The following CNTN3 variants were observed in gnomAD, a reference collection of about 807,000 sequenced individuals.
CNTN3 encodes contactin-3.
Under a neutral mutation model 119.1 loss-of-function variants are expected in CNTN3, and 60 were observed. The ratio of observed to expected loss-of-function variants is 0.50; its 90% CI spans 0.41 to 0.62. CNTN3 has a LOEUF of 0.62. Ranked by LOEUF, CNTN3 falls within the 20% of genes least tolerant of loss-of-function variation. The pLI, the probability that CNTN3 is intolerant of heterozygous loss-of-function variation, is 0.00. For synonymous variants in CNTN3, 450 were observed against 438.7 expected (o/e 1.03, Z -0.32); for missense variants, 1,101 against 1,242.4 (o/e 0.89, Z 1.71).
At chr3:74,449,079 T>A (rs1261392010) in intron 4 of CNTN3, among the ~76,000 whole-genome samples, 1 of 152,058 alleles carries the variant, frequency 6.6e-6, no homozygotes, top group Non-Finnish European at 1.5e-5. Flanking sequence ...TCCTATTTTA[T>A]ATTAATTTCC....
intron 1 of CNTN3, among the ~76,000 whole-genome samples, chr3:74,556,739 A>G (rs1704075406): frequency 6.6e-6 from 1 of 152,168 alleles, no homozygotes; most frequent in Non-Finnish European, 1.5e-5. Context: ...TAACTCCACC[A>G]TCTTACTATC....
intron 4 of CNTN3, among the ~76,000 whole-genome samples, chr3:74,428,621 A>C (rs1575716067): frequency 6.6e-6 from 1 of 152,350 alleles, no homozygotes; most frequent in East Asian, 1.9e-4. Context: ...AAAAGTTTAT[A>C]AATACAAATA....
rs992476990 is a variant in CNTN3, at chr3:74,285,348, A to G, written c.2661T>C (p.Ala887=). The change falls in exon 20 of 23, where the codon GCT becomes GCC. Residue 887 remains alanine (A), a synonymous_variant. Coordinates refer to ENST00000263665, the MANE Select transcript of CNTN3 (RefSeq NM_020872.3). ...TAVRAYNSAG[A]GPFSATVNVT... ...CATTAACTGTGGCGCTAAAAGGCCC[A>G]GCGCCGGCACTGTTGTAAGCCCGGA... The G allele has an allele frequency of 1.2e-6, 2 of 1,612,588 alleles. No homozygotes were observed.
At chr3:74,563,918 TCA>T (rs1217715763) in intron 1 of CNTN3, among the ~76,000 whole-genome samples, 2 of 152,134 alleles carry the variant, frequency 1.3e-5, no homozygotes, top group African/African-American at 2.4e-5. Flanking sequence ...TAGCCAATAT[TCA>T]CATTGCTCTT....
chr3:74,273,792 T>A (rs1701827789), intron 20 of CNTN3, among the ~76,000 whole-genome samples: 1 of 152,194 alleles, frequency 6.6e-6, no homozygotes, highest in African/African-American at 2.4e-5. Flanking sequence ...CTATTTTAAC[T>A]GGTTGAGAAG....
chr3:74,494,584 C>G lies in CNTN3; in HGVS notation c.182+5075G>C, dbSNP rs139262411. On this transcript the variant is annotated intron_variant, in intron 3 of 22. Coordinates refer to ENST00000263665, the MANE Select transcript of CNTN3 (RefSeq NM_020872.3). Reference sequence around the variant, plus strand: ...CTTTAAATGGAGCCAAAAAATAAGACTCAGTACAAATTTAAGAATATCTTA... The same window carrying G: ...CTTTAAATGGAGCCAAAAAATAAGAGTCAGTACAAATTTAAGAATATCTTA... Among the ~76,000 whole-genome samples, 591 of 152,132 alleles carry G rather than the reference C, an allele frequency of 3.9e-3. 5 individuals carry two copies. The highest frequency in any genetic ancestry group is 0.013 in the African/African-American group (558 of 41,528).
At chr3:74,489,427 CTTCTTTCTT>C (rs1219049737) in intron 3 of CNTN3, among the ~76,000 whole-genome samples, 2 of 149,442 alleles carry the variant, frequency 1.3e-5, no homozygotes, top group South Asian at 2.1e-4. Flanking sequence ...CCCTCCCTCC[CTTCTTTCTT>C]TTCTTCCTTC....
intron 1 of CNTN3, among the ~76,000 whole-genome samples, chr3:74,575,937 C>T (rs1019657039): frequency 6.6e-6 from 1 of 152,000 alleles, no homozygotes. Context: ...GGATGGCCGA[C>T]CTGGAACCCA....
At position 74,301,809 on chromosome 3, in the gene CNTN3, A is replaced by C. The variant is rs1489748249; in HGVS notation, c.1787-4T>G. The stretch of plus-strand genomic sequence containing the variant: ...TTTTCTGGTGGTCCAGGTGAACCTA[A>C]GGAAGGCACAAATGGAAACATTGAG... On this transcript the variant is annotated splice_polypyrimidine_tract_variant and splice_region_variant and intron_variant, in intron 14 of 22. Transcript: ENST00000263665. The C allele has an allele frequency of 6.2e-7, 1 of 1,613,570 alleles. No homozygotes were observed. The highest frequency in any genetic ancestry group is 1.1e-5 in the South Asian group (1 of 91,044).
chr3:74,331,625 C>T (rs1206654938), intron 13 of CNTN3, among the ~76,000 whole-genome samples: 4 of 152,140 alleles, frequency 2.6e-5, no homozygotes, highest in East Asian at 1.9e-4. Context: ...CCACCTCTTC[C>T]GAAACTGAAC....
chr3:74,329,103 A>G (rs903564704), intron 13 of CNTN3, among the ~76,000 whole-genome samples: 1 of 152,222 alleles, frequency 6.6e-6, no homozygotes, highest in East Asian at 1.9e-4. Flanking sequence ...AAATAATTCT[A>G]TGAAATAAAT....
intron 4 of CNTN3, among the ~76,000 whole-genome samples, chr3:74,478,499 A>T (rs1190077410): frequency 6.6e-6 from 1 of 152,114 alleles, no homozygotes; most frequent in Non-Finnish European, 1.5e-5. Context: ...CAATCCCCCA[A>T]GGCCTCTTTT....
chr3:74,404,989 T>C (rs2106857621), intron 5 of CNTN3, among the ~76,000 whole-genome samples: 1 of 151,816 alleles, frequency 6.6e-6, no homozygotes, highest in Non-Finnish European at 1.5e-5. Flanking sequence ...TAGACCAAAA[T>C]GAAAAGAAAG....
intron 1 of CNTN3, among the ~76,000 whole-genome samples, chr3:74,526,908 A>T (rs9859869): frequency 0.07 from 10,621 of 151,770 alleles, 1,204 homozygotes; most frequent in African/African-American, 0.24. Context: ...GTGATTTGTA[A>T]CCTTTCATAG....
chr3:74,362,851 T>TAA (rs1439373407), intron 10 of CNTN3, among the ~76,000 whole-genome samples: 1 of 152,216 alleles, frequency 6.6e-6, no homozygotes, highest in Non-Finnish European at 1.5e-5. Flanking sequence ...GTGGAAATCT[T>TAA]AGAGTGAATC....
At chr3:74,334,996 CTG>C in intron 12 of CNTN3, 86 bp from the exon 13 acceptor site, 1 of 912,594 alleles carries the variant, frequency 1.1e-6, no homozygotes, top group Non-Finnish European at 1.7e-6. Flanking sequence ...CTAACTTATA[CTG>C]TGTATGTCTG....
intron 1 of CNTN3, among the ~76,000 whole-genome samples, chr3:74,556,326 C>A (rs1437210982): frequency 6.6e-6 from 1 of 152,118 alleles, no homozygotes; most frequent in Admixed American, 6.6e-5. Context: ...CTCCCAGTCA[C>A]CAGAAACCAT....
intron 11 of CNTN3, among the ~76,000 whole-genome samples, chr3:74,358,014 C>T (rs1189405217): frequency 6.6e-6 from 1 of 152,158 alleles, no homozygotes; most frequent in African/African-American, 2.4e-5. Flanking sequence ...ATGGGGCTTT[C>T]GTTGCCAAGT....
chr3:74,336,501 T>C (rs938020543), intron 12 of CNTN3, 30 bp downstream of exon 12: 17 of 1,608,014 alleles, frequency 1.1e-5, no homozygotes, highest in East Asian at 6.7e-5. Context: ...TGAATCCGTA[T>C]GTAAAGCAAT....
Sources: gnomAD v4.1 joint callset for allele counts (sites outside exome capture counted in the v4.1 genomes callset) on GRCh38, gnomAD v4.1.1 for gene constraint, MANE v1.5 for transcripts, NCBI Gene and HGNC (gene_info 2026-07-23, HGNC 2026-07-21) for gene names.